The following CDH10 variants were observed in gnomAD, a reference collection of about 807,000 sequenced individuals.
The protein encoded by CDH10 is cadherin-10.
A neutral mutation model predicts 73.1 loss-of-function variants in CDH10; 30 were observed. That is an observed-to-expected ratio of 0.41 (90% CI 0.31 to 0.56). CDH10 has a LOEUF of 0.56. Ranked by LOEUF, CDH10 falls within the 20% of genes least tolerant of loss-of-function variation. The pLI, the probability that CDH10 is intolerant of heterozygous loss-of-function variation, is 0.27. For synonymous variants in CDH10, 345 were observed against 348.2 expected, an observed-to-expected ratio of 0.99 and a Z score of 0.10; for missense variants, 815 against 973.7, an observed-to-expected ratio of 0.84 and a Z score of 2.17.
At chr5:24,620,292 C>A (rs575518092) in intron 1 of CDH10, among the ~76,000 whole-genome samples, 91 of 152,134 alleles carry the variant, frequency 6.0e-4, no homozygotes, top group Middle Eastern at 6.8e-3. Context: ...TTTGACAAAA[C>A]AATATACATT....
intron 11 of CDH10, among the ~76,000 whole-genome samples, chr5:24,489,785 G>A (rs1159682311): frequency 6.6e-6 from 1 of 152,000 alleles, no homozygotes; most frequent in Non-Finnish European, 1.5e-5. Flanking sequence ...TTGTTTGGGG[G>A]GAAAGTAAAC....
chr5:24,626,653 G>GT (rs1326292275), intron 1 of CDH10, among the ~76,000 whole-genome samples: 1 of 151,766 alleles, frequency 6.6e-6, no homozygotes, highest in Non-Finnish European at 1.5e-5. Context: ...GCATACACCT[G>GT]TAATCCCAGC....
intron 9 of CDH10, among the ~76,000 whole-genome samples, chr5:24,498,086 C>T (rs573485565): frequency 1.4e-4 from 22 of 152,072 alleles, no homozygotes; most frequent in Non-Finnish European, 1.9e-4. Flanking sequence ...ACACAGCAGG[C>T]GGTCTTAGGG....
intron 1 of CDH10, among the ~76,000 whole-genome samples, chr5:24,636,853 A>G (rs938511707): frequency 1.3e-5 from 2 of 151,796 alleles, no homozygotes; most frequent in African/African-American, 4.8e-5. Flanking sequence ...GCTGTTGCAA[A>G]TTTGAAGTGC....
intron 6 of CDH10, among the ~76,000 whole-genome samples, chr5:24,510,545 A>G (rs1016573266): frequency 2.0e-5 from 3 of 152,202 alleles, no homozygotes; most frequent in African/African-American, 7.2e-5. Flanking sequence ...TTTCAAAAAG[A>G]ACAAGATTCT....
intron 1 of CDH10, among the ~76,000 whole-genome samples, chr5:24,638,851 C>A (rs1747950874): frequency 6.6e-6 from 1 of 151,780 alleles, no homozygotes; most frequent in African/African-American, 2.4e-5. Context: ...ATATATTTTA[C>A]TCCAATAGTT....
At chr5:24,498,903 G>GT (rs1237066486) in intron 8 of CDH10, among the ~76,000 whole-genome samples, 7 of 151,898 alleles carry the variant, frequency 4.6e-5, no homozygotes, top group East Asian at 3.9e-4. Flanking sequence ...TGAAGAAATA[G>GT]TTTTTTTTGT....
intron 2 of CDH10, among the ~76,000 whole-genome samples, chr5:24,572,447 AC>A (rs1745419149): frequency 6.6e-6 from 1 of 152,108 alleles, no homozygotes. Flanking sequence ...AGAAAAAGAC[AC>A]GGGGAGAGGA....
chr5:24,545,854 A>G (rs77593855), intron 2 of CDH10, among the ~76,000 whole-genome samples: 1,879 of 152,258 alleles, frequency 0.012, 15 homozygotes, highest in Non-Finnish European at 0.016. Context: ...TAACTGATTG[A>G]ATGAAACTAA....
intron 2 of CDH10, among the ~76,000 whole-genome samples, chr5:24,538,709 T>C (rs1270644610): frequency 6.6e-6 from 1 of 152,048 alleles, no homozygotes; most frequent in African/African-American, 2.4e-5. Context: ...TTCTAAAACC[T>C]AGAAGCAAGC....
intron 8 of CDH10, among the ~76,000 whole-genome samples, chr5:24,500,216 T>G (rs959332351): frequency 1.3e-5 from 2 of 152,216 alleles, no homozygotes; most frequent in African/African-American, 4.8e-5. Flanking sequence ...GTTCTCTCCA[T>G]ATAATTGAAT....
At chr5:24,555,358 T>C (rs2111968806) in intron 2 of CDH10, among the ~76,000 whole-genome samples, 1 of 152,298 alleles carries the variant, frequency 6.6e-6, no homozygotes, top group East Asian at 1.9e-4. Flanking sequence ...CATATAGGAC[T>C]GTCAAGCAGT....
At chr5:24,545,482 A>G (rs1197867848) in intron 2 of CDH10, among the ~76,000 whole-genome samples, 1 of 152,130 alleles carries the variant, frequency 6.6e-6, no homozygotes, top group Non-Finnish European at 1.5e-5. Context: ...ATGACAGAGA[A>G]TTTTAAACGC....
intron 1 of CDH10, among the ~76,000 whole-genome samples, chr5:24,606,853 TA>T (rs1746780683): frequency 1.3e-5 from 2 of 152,182 alleles, no homozygotes; most frequent in Admixed American, 1.3e-4. Context: ...TTAAAAATGT[TA>T]TTTAGATCAA....
chr5:24,497,819 A>AC (rs1742347401), intron 9 of CDH10, among the ~76,000 whole-genome samples: 1 of 152,224 alleles, frequency 6.6e-6, no homozygotes, highest in Non-Finnish European at 1.5e-5. Flanking sequence ...GAAAAGACTT[A>AC]CAGAATTATA....
chr5:24,551,790 C>T (rs1744555970), intron 2 of CDH10, among the ~76,000 whole-genome samples: 1 of 152,074 alleles, frequency 6.6e-6, no homozygotes, highest in South Asian at 2.1e-4. Flanking sequence ...TCTATCTGTT[C>T]CATTTATCTA....
In CDH10 at chr5:24,593,226, A is replaced by G. The variant is rs570009608; in HGVS notation, c.231+34T>C. 8.4e-6 allele frequency: 10 copies of G among 1,193,554 alleles called. No individual in the cohort carries two copies. In the Admixed American group the frequency reaches 1.8e-4, roughly 21 times the overall value. The allele number at this position is 1,193,554 out of a possible 1,614,324, so 73.9% of individuals were successfully genotyped here. ...TCATCAGTAAAATATATAAAGAGCAAATATAAACACGTGCCATTTTAACAC... is the reference window on the plus strand; with the variant it reads ...TCATCAGTAAAATATATAAAGAGCAGATATAAACACGTGCCATTTTAACAC... On this transcript the variant is annotated intron_variant, in intron 2 of 11. Transcript: ENST00000264463.
intron 5 of CDH10, among the ~76,000 whole-genome samples, chr5:24,512,633 G>A (rs537766842): frequency 1.3e-5 from 2 of 152,228 alleles, no homozygotes; most frequent in South Asian, 4.1e-4. Context: ...CTTCATTCCA[G>A]AGAAACACAA....
At chr5:24,525,762 T>C in intron 5 of CDH10, among the ~76,000 whole-genome samples, 1 of 152,042 alleles carries the variant, frequency 6.6e-6, no homozygotes, top group East Asian at 1.9e-4. Context: ...TTTGGGCATT[T>C]AAGTTAAATT....
Sources: allele counts gnomAD v4.1 joint callset (sites outside exome capture counted in the v4.1 genomes callset), GRCh38; gene constraint gnomAD v4.1.1; transcripts MANE v1.5; gene names NCBI Gene and HGNC (gene_info 2026-07-23, HGNC 2026-07-21).